Variants in CSNK2A1 observed in about 807,000 individuals in gnomAD.
CSNK2A1 encodes the protein casein kinase II subunit alpha.
A neutral mutation model predicts 62.9 loss-of-function variants in CSNK2A1; 10 were observed. The observed-to-expected ratio is 0.16, with a 90% confidence interval of 0.10 to 0.27. The LOEUF (loss-of-function observed/expected upper bound fraction) is 0.27, where lower values mean the gene tolerates loss of function less well. Among genes scored for constraint, CSNK2A1 ranks in the 10% least tolerant of loss-of-function variants. CSNK2A1 has a pLI of 1.00. For missense variants in CSNK2A1, 160 were observed against 492.0 expected (o/e 0.33, Z 6.38); for synonymous variants, 124 against 167.8 (o/e 0.74, Z 2.02).
At chr20:495,389 A>T (rs2018325248) in intron 8 of CSNK2A1, 1 of 265,064 alleles carries the variant, frequency 3.8e-6, no homozygotes, top group Non-Finnish European at 7.4e-6. Flanking sequence ...TATTACCCAC[A>T]CTGTACACGT....
chr20:521,007 T>C (rs2018934331), intron 2 of CSNK2A1, among the ~76,000 whole-genome samples: 1 of 152,044 alleles, frequency 6.6e-6, no homozygotes, highest in Admixed American at 6.6e-5. Flanking sequence ...AAATGTAAAA[T>C]TATCAAACCT....
At chr20:521,221 A>G (rs944170519) in intron 2 of CSNK2A1, among the ~76,000 whole-genome samples, 8 of 152,224 alleles carry the variant, frequency 5.3e-5, no homozygotes, top group African/African-American at 1.7e-4. Flanking sequence ...AAAAAACTCA[A>G]TAAGAAAACA....
At position 474,585 on chromosome 20, in the gene CSNK2A1, G is replaced by A. The variant is rs2017810806; in HGVS notation, c.*9376C>T. On this transcript the variant is annotated 3_prime_UTR_variant, in exon 14 of 14. Transcript: ENST00000217244. Reference sequence around the variant, plus strand: ...AAATATAGTTTTAAAAGTAAATACTGCTACTATCTTAACAATAATTTAAAA... The same window carrying A: ...AAATATAGTTTTAAAAGTAAATACTACTACTATCTTAACAATAATTTAAAA... The A allele has an allele frequency of 6.6e-6, 1 of 152,176 alleles. No homozygotes were observed. Among genetic ancestry groups the A allele is most frequent in the Admixed American group, 6.5e-5 (1 of 15,284 alleles). 9.4% of individuals were successfully genotyped at this position (152,176 alleles called of 1,614,324 possible). A position where few individuals can be genotyped will look rare whatever the true frequency, so the allele number is the denominator to read the frequency against.
At chr20:512,065 GTT>G (rs1427085172) in intron 2 of CSNK2A1, among the ~76,000 whole-genome samples, 1 of 152,006 alleles carries the variant, frequency 6.6e-6, no homozygotes, top group Non-Finnish European at 1.5e-5. Flanking sequence ...TTTTTTGCTT[GTT>G]TTTATAGAGA....
chr20:536,916 C>A (rs958041488), intron 1 of CSNK2A1, among the ~76,000 whole-genome samples: 12 of 152,126 alleles, frequency 7.9e-5, no homozygotes, highest in Admixed American at 7.9e-4. Context: ...TTCAATAACC[C>A]AAAATGACCA....
intron 1 of CSNK2A1, among the ~76,000 whole-genome samples, chr20:534,315 T>A (rs572916844): frequency 1.2e-4 from 19 of 152,336 alleles, no homozygotes; most frequent in African/African-American, 4.3e-4. Flanking sequence ...AACACTATAA[T>A]AAAATGAACT....
intron 8 of CSNK2A1, chr20:494,621 T>A (rs954209401): frequency 2.6e-5 from 4 of 152,252 alleles, no homozygotes; most frequent in African/African-American, 9.6e-5. Context: ...AGTTAACTTT[T>A]AAATTTCAAG....
intron 2 of CSNK2A1, chr20:510,180 T>C (rs1342380502): frequency 6.6e-6 from 1 of 152,434 alleles, no homozygotes; most frequent in East Asian, 1.9e-4. Flanking sequence ...ATTCTTTTTT[T>C]TTTTTTTTTG....
Position 491,789 on chromosome 20 carries a change from T to TG in CSNK2A1, c.621+464dup, listed in dbSNP as rs561517831. ...ATACAAGAAAAATTAGCTGGGGTGG[T>TG]GGTGGGTGCCTGTAGTCCCAGCTAC... On this transcript the variant is annotated intron_variant, in intron 9 of 13. Coordinates refer to ENST00000217244, the MANE Select transcript of CSNK2A1 (RefSeq NM_177559.3). Among the ~76,000 whole-genome samples the TG allele has an allele frequency of 5.5e-4, 83 of 151,916 alleles. No individual in the cohort carries two copies. In the South Asian group the frequency reaches 0.017, roughly 31 times the overall value.
Position 488,780 on chromosome 20 carries a change from T to A in CSNK2A1, c.724-2A>T. 1 of 1,609,968 alleles carries A rather than the reference T, an allele frequency of 6.2e-7. No homozygotes were observed. Among genetic ancestry groups the A allele is most frequent in the Non-Finnish European group, 8.5e-7 (1 of 1,178,166 alleles). The stretch of plus-strand genomic sequence containing the variant: ...CAGAACCTTGGCTATCCTCACCAAC[T>A]AGTATTAAAGAAAGACAAAAACCCA... On this transcript the variant is annotated splice_acceptor_variant, in intron 10 of 13. Coordinates refer to ENST00000217244, the MANE Select transcript of CSNK2A1 (RefSeq NM_177559.3). LOFTEE classifies it high-confidence loss of function.
At chr20:536,715 G>A (rs898796184) in intron 1 of CSNK2A1, among the ~76,000 whole-genome samples, 2 of 152,110 alleles carry the variant, frequency 1.3e-5, no homozygotes, top group East Asian at 3.9e-4. Flanking sequence ...AAAGCAAATA[G>A]GAGTTATTAT....
intron 2 of CSNK2A1, 118 bp from the exon 3 acceptor site, chr20:508,778 A>G (rs1249748951): frequency 6.5e-6 from 3 of 461,760 alleles, no homozygotes; most frequent in African/African-American, 6.0e-5. Context: ...ACCTACAGCC[A>G]ATAAATATAG....
intron 2 of CSNK2A1, among the ~76,000 whole-genome samples, chr20:509,984 A>G (rs927954929): frequency 2.6e-5 from 4 of 152,224 alleles, no homozygotes; most frequent in Admixed American, 2.0e-4. Context: ...CATAAAAGAC[A>G]AATGGAGGCT....
rs2018417793 is a variant in CSNK2A1, at chr20:499,703, T to C, written c.315+130A>G. The C allele has an allele frequency of 1.2e-6, 1 of 820,976 alleles. No individual in the cohort carries two copies. The highest frequency in any genetic ancestry group is 2.0e-6 in the Non-Finnish European group (1 of 490,808). The allele number at this position is 820,976 out of a possible 1,614,324, so 50.9% of individuals were successfully genotyped here. ...AGACCCAAGCTAGTTAAATGGTATA[T>C]CTGATTAAGCACTTTCAAAGCAGGA... On this transcript the variant is annotated intron_variant, in intron 5 of 13. Transcript: ENST00000217244. This position sits in a 1 kb window ranked among gnomAD's most constrained non-coding sequence, Gnocchi z 4.2.
At chr20:525,650 C>CA (rs59103809) in intron 2 of CSNK2A1, among the ~76,000 whole-genome samples, 729 of 60,654 alleles carry the variant, frequency 0.012, 10 homozygotes, top group East Asian at 0.027. Flanking sequence ...GACTCCATCT[C>CA]AAAAAAAAAA....
At position 478,886 on chromosome 20, in the gene CSNK2A1, T is replaced by G. The variant is rs997229960; in HGVS notation, c.*5075A>C. On this transcript the variant is annotated 3_prime_UTR_variant, in exon 14 of 14. Transcript: ENST00000217244. The stretch of plus-strand genomic sequence containing the variant: ...AGGCTGCAGTGAGCTGTGATGGCGC[T>G]ACTGCACTCTAGCCTGGGTAACAGA... The G allele has an allele frequency of 4.5e-6, 1 of 223,752 alleles. No individual in the cohort carries two copies. The highest frequency in any genetic ancestry group is 2.4e-5 in the African/African-American group (1 of 41,804). The allele number at this position is 223,752 out of a possible 1,614,324, so 13.9% of individuals were successfully genotyped here.
intron 8 of CSNK2A1, among the ~76,000 whole-genome samples, chr20:493,593 T>A (rs2018281713): frequency 6.6e-6 from 1 of 152,214 alleles, no homozygotes; most frequent in African/African-American, 2.4e-5. Context: ...CAGTACAATA[T>A]CAAAATCAAG....
intron 8 of CSNK2A1, 128 bp from the exon 9 acceptor site, chr20:492,492 T>C (rs1371621387): frequency 1.0e-5 from 8 of 799,400 alleles, no homozygotes; most frequent in South Asian, 5.5e-5. Flanking sequence ...TGACTACTTA[T>C]AGCCTTTAGA....
intron 2 of CSNK2A1, among the ~76,000 whole-genome samples, chr20:524,624 GGAGGCT>G (rs140246526): frequency 0.2 from 29,007 of 145,264 alleles, 3,800 homozygotes; most frequent in African/African-American, 0.37. Flanking sequence ...CAGCTACTCA[GGAGGCT>G]GAGGCTGGAG....
Sources: gnomAD v4.1 joint callset for allele counts (sites outside exome capture counted in the v4.1 genomes callset) on GRCh38, gnomAD v4.1.1 for gene constraint, Gnocchi (gnomAD v3.1) non-coding constraint, MANE v1.5 for transcripts, NCBI Gene and HGNC (gene_info 2026-07-23, HGNC 2026-07-21) for gene names.